ST8SIA6: variants seen among roughly 807,000 people sequenced by gnomAD.
ST8SIA6 encodes the protein ST8 alpha-N-acetyl-neuraminide alpha-2,8-sialyltransferase 6.
In ST8SIA6, 39 loss-of-function variants were observed where a neutral mutation model predicts 33.6. The observed-to-expected ratio is 1.16, with a 90% CI of 0.90 to 1.52. The LOEUF (loss-of-function observed/expected upper bound fraction) is 1.52, where lower values mean the gene tolerates loss of function less well. Among genes scored for constraint, ST8SIA6 ranks in the 40% most tolerant of loss-of-function variants. The pLI, the probability that ST8SIA6 is intolerant of heterozygous loss-of-function variation, is 0.00. For missense variants in ST8SIA6, 441 were observed against 443.8 expected, an observed-to-expected ratio of 0.99 and a Z score of 0.06; for synonymous variants, 172 against 167.2, an observed-to-expected ratio of 1.03 and a Z score of -0.22.
At chr10:17,330,063 A>G (rs1055521790) in intron 5 of ST8SIA6, among the ~76,000 whole-genome samples, 2 of 152,186 alleles carry the variant, frequency 1.3e-5, no homozygotes, top group African/African-American at 4.8e-5. Context: ...TGAAAGGAGA[A>G]GGCTGGAGCA....
chr10:17,323,706 G>T (rs1005723055), intron 6 of ST8SIA6, among the ~76,000 whole-genome samples: 2 of 152,142 alleles, frequency 1.3e-5, no homozygotes, highest in South Asian at 2.1e-4. Context: ...TTTGATAAAT[G>T]CTTTCAATAT....
Position 17,321,106 on chromosome 10 carries a change from G to C in ST8SIA6, c.969C>G (p.Thr323=). The change falls in exon 8 of 8, where the codon ACC becomes ACG. Residue 323 remains threonine (T), a synonymous_variant. Coordinates refer to ENST00000377602, the MANE Select transcript of ST8SIA6 (RefSeq NM_001004470.3). ...CTGCAACACTTGTGATCATCAAGCC[G>C]GTGGACAAGCGGTATGCAGTCACAC... ...TKGVTAYRLS[T]GLMITSVAVE... is the part of the protein sequence containing the mutation. 1 of 1,614,078 alleles carries C rather than the reference G, an allele frequency of 6.2e-7. No individual in the cohort carries two copies.
chr10:17,337,479 C>T (rs963476656), intron 4 of ST8SIA6, among the ~76,000 whole-genome samples: 2 of 152,110 alleles, frequency 1.3e-5, no homozygotes, highest in East Asian at 1.9e-4. Context: ...CCAAAGCACT[C>T]GTTATAATCT....
chr10:17,365,834 G>C (rs1305339422), intron 3 of ST8SIA6, among the ~76,000 whole-genome samples: 1 of 152,162 alleles, frequency 6.6e-6, no homozygotes, highest in Admixed American at 6.6e-5. Flanking sequence ...GGTTTCCTAT[G>C]ACATCTCTTC....
intron 4 of ST8SIA6, among the ~76,000 whole-genome samples, chr10:17,336,389 T>G (rs1321649294): frequency 6.6e-5 from 10 of 152,200 alleles, no homozygotes; most frequent in Non-Finnish European, 1.5e-4. Flanking sequence ...ATATTTGCCT[T>G]ATTGTGTATC....
At chr10:17,452,565 T>C (rs955871227) in intron 2 of ST8SIA6, among the ~76,000 whole-genome samples, 1 of 152,230 alleles carries the variant, frequency 6.6e-6, no homozygotes, top group Non-Finnish European at 1.5e-5. Context: ...GTACATACTC[T>C]TTGACTTACT....
intron 3 of ST8SIA6, among the ~76,000 whole-genome samples, chr10:17,374,073 A>C (rs1322142652): frequency 4.0e-5 from 3 of 75,680 alleles, no homozygotes; most frequent in African/African-American, 6.8e-5. Flanking sequence ...AACAACCACC[A>C]CACACACACA....
chr10:17,377,602 G>C (rs906127773), intron 3 of ST8SIA6, among the ~76,000 whole-genome samples: 1 of 152,124 alleles, frequency 6.6e-6, no homozygotes, highest in Non-Finnish European at 1.5e-5. Flanking sequence ...TGGCACAAAA[G>C]ACCCTATCCC....
chr10:17,393,480 G>T (rs1349394922), intron 2 of ST8SIA6, among the ~76,000 whole-genome samples: 1 of 152,210 alleles, frequency 6.6e-6, no homozygotes, highest in Non-Finnish European at 1.5e-5. Flanking sequence ...GGAAGGTCTT[G>T]CCCTGTATCC....
intron 3 of ST8SIA6, among the ~76,000 whole-genome samples, chr10:17,375,815 A>G (rs1160409537): frequency 6.6e-6 from 1 of 152,210 alleles, no homozygotes; most frequent in Non-Finnish European, 1.5e-5. Context: ...TAGAGGATCT[A>G]TTTAAATGCT....
intron 2 of ST8SIA6, among the ~76,000 whole-genome samples, chr10:17,414,403 T>C (rs191618305): frequency 1.2e-3 from 190 of 152,298 alleles, no homozygotes; most frequent in African/African-American, 4.4e-3. Context: ...ATGACCTCAC[T>C]TCATACTTTA....
At chr10:17,405,534 G>C (rs920230918) in intron 2 of ST8SIA6, among the ~76,000 whole-genome samples, 1 of 149,314 alleles carries the variant, frequency 6.7e-6, no homozygotes, top group African/African-American at 2.5e-5. Flanking sequence ...AAACTTTAAA[G>C]GCAAGTGGAC....
chr10:17,321,474 T>C, intron 7 of ST8SIA6, 128 bp from the exon 8 acceptor site: 1 of 729,970 alleles, frequency 1.4e-6, no homozygotes, highest in South Asian at 2.2e-5. Flanking sequence ...ATAAAACAGA[T>C]AAAGTGTGGA....
At chr10:17,323,801 A>C (rs1848041251) in intron 6 of ST8SIA6, among the ~76,000 whole-genome samples, 1 of 152,166 alleles carries the variant, frequency 6.6e-6, no homozygotes. Context: ...CCTTTTATTA[A>C]AATTGTTATT....
At chr10:17,395,415 G>A (rs1850770652) in intron 2 of ST8SIA6, among the ~76,000 whole-genome samples, 1 of 152,144 alleles carries the variant, frequency 6.6e-6, no homozygotes, top group Non-Finnish European at 1.5e-5. Flanking sequence ...AGTCTGAGCA[G>A]TTGAGTCTAG....
At chr10:17,449,255 C>T (rs564584030) in intron 2 of ST8SIA6, among the ~76,000 whole-genome samples, 3 of 151,490 alleles carry the variant, frequency 2.0e-5, no homozygotes, top group Admixed American at 6.6e-5. Flanking sequence ...ATAAAAGTAC[C>T]ACAAAGGAAA....
chr10:17,421,651 C>T (rs577420436), intron 2 of ST8SIA6, among the ~76,000 whole-genome samples: 1 of 152,144 alleles, frequency 6.6e-6, no homozygotes, highest in African/African-American at 2.4e-5. Flanking sequence ...CTGCCTCAAC[C>T]TCCTGGGATC....
intron 2 of ST8SIA6, among the ~76,000 whole-genome samples, chr10:17,427,530 C>T (rs572917832): frequency 6.6e-6 from 1 of 152,208 alleles, no homozygotes; most frequent in African/African-American, 2.4e-5. Flanking sequence ...CAGCATGAGC[C>T]GAAGCCATAG....
At chr10:17,401,180 A>G (rs540676701) in intron 2 of ST8SIA6, among the ~76,000 whole-genome samples, 1 of 152,288 alleles carries the variant, frequency 6.6e-6, no homozygotes, top group Non-Finnish European at 1.5e-5. Context: ...CCCATTCACA[A>G]TTGCTTCAAA....
Sources: gnomAD v4.1 joint callset for allele counts (sites outside exome capture counted in the v4.1 genomes callset) on GRCh38, gnomAD v4.1.1 for gene constraint, MANE v1.5 for transcripts, NCBI Gene and HGNC (gene_info 2026-07-23, HGNC 2026-07-21) for gene names.